Variants in NAV3 observed in about 807,000 individuals in gnomAD.
NAV3 encodes neuron navigator 3, also known as pore membrane and/or filament interacting like protein 1.
Under a neutral mutation model 244.7 loss-of-function variants are expected in NAV3, and 87 were observed. The observed-to-expected ratio is 0.36, with a 90% CI of 0.30 to 0.42. NAV3 has a LOEUF of 0.42. Ranked by LOEUF, NAV3 falls within the 20% of genes least tolerant of loss-of-function variation. The probability of loss-of-function intolerance (pLI) is 1.00; values close to 1 mark genes in which losing one functional copy is unlikely to be tolerated. For missense variants in NAV3, 2,663 were observed against 2,893.3 expected (o/e 0.92, Z 1.83); for synonymous variants, 1,126 against 1,042.2 (o/e 1.08, Z -1.55).
chr12:77,775,013 G>C (rs1870279406), intron 2 of NAV3, among the ~76,000 whole-genome samples: 1 of 152,118 alleles, frequency 6.6e-6, no homozygotes, highest in Non-Finnish European at 1.5e-5. Flanking sequence ...TGGCTGACTT[G>C]TATTAAGGAT....
intron 2 of NAV3, among the ~76,000 whole-genome samples, chr12:77,797,524 GTT>G (rs33912743): frequency 0.015 from 1,518 of 100,532 alleles, 30 homozygotes; most frequent in African/African-American, 0.042. Flanking sequence ...TCTTTAAAAA[GTT>G]TTTTTTTTTT....
intron 2 of NAV3, among the ~76,000 whole-genome samples, chr12:77,779,055 T>C (rs1353949133): frequency 2.0e-5 from 3 of 152,330 alleles, no homozygotes; most frequent in South Asian, 4.1e-4. Context: ...ACTCTGTAAA[T>C]GTGAAAATAA....
chr12:78,119,534 G>C lies in NAV3; in HGVS notation c.3338G>C (p.Ser1113Thr), dbSNP rs1955574791. The change falls in exon 15 of 40, where the codon AGT becomes ACT. Residue 1113 changes from serine (S) to threonine (T), a missense_variant. Around this residue, in one of 6 missense-constraint regions of NAV3, gnomAD observed 1,521 missense variants for 1,497.0 expected, o/e 1.02. Transcript: ENST00000397909. ...AAGTCAAATGCAGGGAGAAAAACCA[G>C]TTTGGACGGTTCACAGAATCAGGAT... ...GGKSNAGRKTSLDGSQNQDDV... is the reference protein window; with the variant it reads ...GGKSNAGRKTTLDGSQNQDDV... 1 of 1,614,178 alleles carries C rather than the reference G, an allele frequency of 6.2e-7. No homozygotes were observed. Among genetic ancestry groups the C allele is most frequent in the Middle Eastern group, 1.6e-4 (1 of 6,062 alleles).
chr12:77,636,589 G>A (rs912943053), intron 2 of NAV3, among the ~76,000 whole-genome samples: 10 of 152,178 alleles, frequency 6.6e-5, no homozygotes, highest in South Asian at 2.1e-4. Flanking sequence ...ACAGTGGGGC[G>A]ATTCCTCAAG....
intron 3 of NAV3, among the ~76,000 whole-genome samples, chr12:77,960,625 A>G (rs537110987): frequency 6.7e-6 from 1 of 148,314 alleles, no homozygotes; most frequent in East Asian, 2.0e-4. Flanking sequence ...ATACTATTAT[A>G]TATACTTTAA....
upstream of NAV3, among the ~76,000 whole-genome samples, chr12:77,828,023 G>T (rs11106879): frequency 6.6e-6 from 1 of 151,906 alleles, no homozygotes. Flanking sequence ...CCTCTCCCTC[G>T]TGATGGTTTC....
chr12:77,763,915 A>G (rs2135848832), intron 2 of NAV3, among the ~76,000 whole-genome samples: 1 of 152,310 alleles, frequency 6.6e-6, no homozygotes, highest in East Asian at 1.9e-4. Flanking sequence ...CAGCTATCAG[A>G]GAGGGACAGT....
At chr12:77,961,531 AATATATAACTGTATATGTAAT>A (rs1335252985) in intron 3 of NAV3, among the ~76,000 whole-genome samples, 2 of 144,634 alleles carry the variant, frequency 1.4e-5, no homozygotes, top group Non-Finnish European at 1.5e-5. Context: ...ATACTTTAAT[AATATATAACTGTATATGTAAT>A]ATATATTATT....
intron 3 of NAV3, among the ~76,000 whole-genome samples, chr12:77,949,327 C>T (rs1313735459): frequency 1.3e-5 from 2 of 151,946 alleles, no homozygotes; most frequent in African/African-American, 2.4e-5. Context: ...AATGGAACTG[C>T]GTCTCATTGA....
At chr12:77,735,429 C>T (rs1421217872) in intron 2 of NAV3, among the ~76,000 whole-genome samples, 1 of 152,020 alleles carries the variant, frequency 6.6e-6, no homozygotes, top group Admixed American at 6.6e-5. Flanking sequence ...ACACTAGGAG[C>T]TCAGAAATGG....
chr12:77,756,187 G>A (rs1031374570), intron 2 of NAV3, among the ~76,000 whole-genome samples: 1 of 152,008 alleles, frequency 6.6e-6, no homozygotes, highest in Non-Finnish European at 1.5e-5. Flanking sequence ...TTTAATGCTT[G>A]TGCCTTTTTT....
At chr12:78,003,808 C>A (rs908748890) in intron 7 of NAV3, among the ~76,000 whole-genome samples, 1 of 152,188 alleles carries the variant, frequency 6.6e-6, no homozygotes, top group African/African-American at 2.4e-5. Context: ...AGATGTTTTG[C>A]AAGTGTGAAC....
At chr12:77,988,210 G>T (rs923976140) in intron 5 of NAV3, among the ~76,000 whole-genome samples, 1 of 152,186 alleles carries the variant, frequency 6.6e-6, no homozygotes, top group African/African-American at 2.4e-5. Flanking sequence ...TCTGAGATGG[G>T]ATCTGAGGTT....
intron 2 of NAV3, among the ~76,000 whole-genome samples, chr12:77,720,874 C>T (rs967929368): frequency 2.0e-5 from 3 of 152,132 alleles, no homozygotes; most frequent in Non-Finnish European, 4.4e-5. Context: ...ACTTTCTCTT[C>T]TGTCATGTTG....
At chr12:77,786,756 GC>G (rs1277044203) in intron 2 of NAV3, among the ~76,000 whole-genome samples, 7 of 152,030 alleles carry the variant, frequency 4.6e-5, no homozygotes, top group Admixed American at 4.6e-4. Flanking sequence ...GTAGTCACCA[GC>G]TTTTTTCATT....
intron 1 of NAV3, among the ~76,000 whole-genome samples, chr12:77,858,077 G>A (rs1171671774): frequency 6.6e-6 from 1 of 151,998 alleles, no homozygotes; most frequent in Non-Finnish European, 1.5e-5. Context: ...AATTTTAAGG[G>A]GTCACTTCTA....
intron 2 of NAV3, among the ~76,000 whole-genome samples, chr12:77,701,677 G>A (rs117744982): frequency 6.6e-6 from 1 of 151,842 alleles, no homozygotes; most frequent in East Asian, 1.9e-4. Flanking sequence ...GATATGTTGT[G>A]TTTTCATTAT....
chr12:77,667,253 G>T (rs1873756254), intron 2 of NAV3, among the ~76,000 whole-genome samples: 2 of 152,236 alleles, frequency 1.3e-5, no homozygotes, highest in African/African-American at 2.4e-5. Context: ...AAAGGCGAGA[G>T]AATCCACAGA....
At chr12:78,053,218 A>T (rs1009382665) in intron 11 of NAV3, among the ~76,000 whole-genome samples, 3 of 149,186 alleles carry the variant, frequency 2.0e-5, no homozygotes, top group Non-Finnish European at 3.0e-5. Context: ...TCCGTCTAAA[A>T]ATATATATAT....
Sources: gnomAD v4.1 joint callset for allele counts (sites outside exome capture counted in the v4.1 genomes callset) on GRCh38, gnomAD v4.1.1 for gene constraint, gnomAD v4.1.1 regional missense constraint, MANE v1.5 for transcripts, NCBI Gene and HGNC (gene_info 2026-07-23, HGNC 2026-07-21) for gene names.